Variants in ANKS1B observed in about 807,000 individuals in gnomAD.
ANKS1B encodes ankyrin repeat and sterile alpha motif domain containing 1B.
A neutral mutation model predicts 148.3 loss-of-function variants in ANKS1B; 36 were observed. The observed-to-expected ratio is 0.24, with a 90% CI of 0.19 to 0.32. The LOEUF (loss-of-function observed/expected upper bound fraction) is 0.32. Among genes scored for constraint, ANKS1B ranks in the 10% least tolerant of loss-of-function variants. The pLI, the probability that ANKS1B is intolerant of heterozygous loss-of-function variation, is 1.00. For synonymous variants in ANKS1B, 542 were observed against 560.8 expected, an observed-to-expected ratio of 0.97 and a Z score of 0.47; for missense variants, 1,157 against 1,542.6, an observed-to-expected ratio of 0.75 and a Z score of 4.19.
intron 9 of ANKS1B, among the ~76,000 whole-genome samples, chr12:99,636,998 T>C (rs184448772): frequency 1.5e-3 from 221 of 152,300 alleles, no homozygotes; most frequent in African/African-American, 5.1e-3. Flanking sequence ...CAGGAAAATG[T>C]GACTTCAGTC....
chr12:99,570,728 T>C (rs2097446878), intron 9 of ANKS1B, among the ~76,000 whole-genome samples: 1 of 151,900 alleles, frequency 6.6e-6, no homozygotes, highest in Non-Finnish European at 1.5e-5. Flanking sequence ...GGTATTATAC[T>C]ATTCTCCCTA....
chr12:99,234,394 A>G (rs1004099378), intron 14 of ANKS1B, among the ~76,000 whole-genome samples: 1 of 152,130 alleles, frequency 6.6e-6, no homozygotes, highest in African/African-American at 2.4e-5. Context: ...GTACCAATTG[A>G]CTGGTGCATT....
At chr12:99,845,348 T>C (rs1174238461) in intron 1 of ANKS1B, among the ~76,000 whole-genome samples, 1 of 152,186 alleles carries the variant, frequency 6.6e-6, no homozygotes, top group Non-Finnish European at 1.5e-5. Flanking sequence ...CTCAGTATAA[T>C]ATTGGCTGTG....
chr12:99,968,328 C>A (rs1178860540), intron 1 of ANKS1B, among the ~76,000 whole-genome samples: 2 of 152,070 alleles, frequency 1.3e-5, no homozygotes, highest in Non-Finnish European at 2.9e-5. Flanking sequence ...GAGGCCGAGA[C>A]GGATGGATCA....
chr12:99,387,740 C>T (rs1460312108), intron 12 of ANKS1B, among the ~76,000 whole-genome samples: 1 of 151,558 alleles, frequency 6.6e-6, no homozygotes, highest in Non-Finnish European at 1.5e-5. Flanking sequence ...TCGGTGTGGC[C>T]TCCCCAGCTT....
At chr12:99,138,292 A>C (rs1008830516) in intron 15 of ANKS1B, among the ~76,000 whole-genome samples, 22 of 152,334 alleles carry the variant, frequency 1.4e-4, no homozygotes, top group Admixed American at 2.6e-4. Flanking sequence ...AAGAAGCAGA[A>C]GCTCTAATAG....
chr12:99,584,970 C>T (rs2097614300), intron 9 of ANKS1B, among the ~76,000 whole-genome samples: 1 of 152,046 alleles, frequency 6.6e-6, no homozygotes, highest in African/African-American at 2.4e-5. Flanking sequence ...ATCATCCAAA[C>T]TATATCATCC....
chr12:99,772,418 G>A (rs2153621861), intron 8 of ANKS1B, among the ~76,000 whole-genome samples: 1 of 152,158 alleles, frequency 6.6e-6, no homozygotes. Flanking sequence ...TTAAGATTCT[G>A]AGCTTATCAA....
chr12:98,932,985 C>G, intron 17 of ANKS1B, among the ~76,000 whole-genome samples: 1 of 152,158 alleles, frequency 6.6e-6, no homozygotes, highest in East Asian at 1.9e-4. Flanking sequence ...GTGTTAATAG[C>G]ACTTAACATG....
chr12:99,321,257 C>T (rs977802546), intron 12 of ANKS1B, among the ~76,000 whole-genome samples: 4 of 152,222 alleles, frequency 2.6e-5, no homozygotes, highest in African/African-American at 4.8e-5. Flanking sequence ...TTTAACTCTG[C>T]AGAAGTTTCT....
intron 8 of ANKS1B, among the ~76,000 whole-genome samples, chr12:99,738,927 C>G (rs1189927817): frequency 2.0e-5 from 3 of 152,078 alleles, no homozygotes; most frequent in Non-Finnish European, 2.9e-5. Flanking sequence ...CATTTGATAC[C>G]AACTCACTGT....
intron 19 of ANKS1B, among the ~76,000 whole-genome samples, chr12:98,811,563 C>T (rs879743478): frequency 6.6e-6 from 1 of 152,212 alleles, no homozygotes; most frequent in Non-Finnish European, 1.5e-5. Flanking sequence ...TACATTCCTC[C>T]TGGACCCCTT....
At chr12:98,754,260 C>T (rs1241057704) in intron 25 of ANKS1B, among the ~76,000 whole-genome samples, 1 of 152,208 alleles carries the variant, frequency 6.6e-6, no homozygotes, top group Non-Finnish European at 1.5e-5. Context: ...AAATTAGTAA[C>T]GCACCAGCAA....
chr12:99,975,563 C>T (rs2095616221), intron 1 of ANKS1B, among the ~76,000 whole-genome samples: 1 of 152,182 alleles, frequency 6.6e-6, no homozygotes, highest in Non-Finnish European at 1.5e-5. Flanking sequence ...TTGCATTTCT[C>T]TGATAACTAG....
chr12:99,753,671 A>T (rs2061317042), intron 8 of ANKS1B, among the ~76,000 whole-genome samples: 1 of 151,282 alleles, frequency 6.6e-6, no homozygotes, highest in South Asian at 2.1e-4. Flanking sequence ...GACAGAGTCA[A>T]ATCTACACAT....
intron 1 of ANKS1B, among the ~76,000 whole-genome samples, chr12:99,861,182 C>G (rs2089972651): frequency 6.6e-6 from 1 of 152,134 alleles, no homozygotes; most frequent in South Asian, 2.1e-4. Context: ...AGAGCAGAAC[C>G]CTCTGAACCT....
At chr12:98,840,569 T>G (rs1011166235) in intron 17 of ANKS1B, among the ~76,000 whole-genome samples, 2 of 152,168 alleles carry the variant, frequency 1.3e-5, no homozygotes, top group African/African-American at 4.8e-5. Context: ...GGAAATGAGA[T>G]CATCTTTGCA....
At chr12:99,791,139 C>A (rs1008146385) in intron 4 of ANKS1B, among the ~76,000 whole-genome samples, 34 of 151,656 alleles carry the variant, frequency 2.2e-4, no homozygotes, top group Non-Finnish European at 3.8e-4. Context: ...TTATATTAGG[C>A]AAAATAGGTT....
At chr12:99,621,746 A>C (rs529906129) in intron 9 of ANKS1B, among the ~76,000 whole-genome samples, 1 of 152,126 alleles carries the variant, frequency 6.6e-6, no homozygotes, top group Non-Finnish European at 1.5e-5. Flanking sequence ...AAGCATCTGG[A>C]TTCATAAAAC....
Sources: gnomAD v4.1 joint callset for allele counts (sites outside exome capture counted in the v4.1 genomes callset) on GRCh38, gnomAD v4.1.1 for gene constraint, MANE v1.5 for transcripts, NCBI Gene and HGNC (gene_info 2026-07-23, HGNC 2026-07-21) for gene names.